DEFB118: variants seen among roughly 807,000 people sequenced by gnomAD.
DEFB118 encodes the protein defensin, beta 18.
Under a neutral mutation model 2.8 loss-of-function variants are expected in DEFB118, and 3 were observed. That is an observed-to-expected ratio of 1.09 (90% CI 0.50 to 2.82). The LOEUF (loss-of-function observed/expected upper bound fraction) is 2.82. Ranked by LOEUF, DEFB118 falls within the 30% of genes most tolerant of loss-of-function variation. The pLI, the probability that DEFB118 is intolerant of heterozygous loss-of-function variation, is 0.04. For synonymous variants in DEFB118, 63 were observed against 53.5 expected (o/e 1.18, Z -0.78); for missense variants, 159 against 144.6 (o/e 1.10, Z -0.51).
At chr20:31,370,491 T>A (rs549629565) in intron 1 of DEFB118, among the ~76,000 whole-genome samples, 1 of 152,270 alleles carries the variant, frequency 6.6e-6, no homozygotes, top group African/African-American at 2.4e-5. Context: ...GTTTCAAGTC[T>A]GAGTGTTAAG....
Sources: allele counts gnomAD v4.1 joint callset (sites outside exome capture counted in the v4.1 genomes callset), GRCh38; gene constraint gnomAD v4.1.1; transcripts MANE v1.5; gene names NCBI Gene and HGNC (gene_info 2026-07-23, HGNC 2026-07-21).